Variants in LRFN2 observed in about 807,000 individuals in gnomAD.
LRFN2 encodes leucine-rich repeat and fibronectin type-III domain-containing protein 2.
A neutral mutation model predicts 37.3 loss-of-function variants in LRFN2; 18 were observed. The observed-to-expected ratio is 0.48, with a 90% CI of 0.33 to 0.72. LRFN2 has a LOEUF of 0.72. LRFN2 is among the 30% of genes least tolerant of loss of function. LRFN2 has a pLI of 0.02. For missense variants in LRFN2, 1,006 were observed against 1,060.7 expected (o/e 0.95, Z 0.72); for synonymous variants, 556 against 466.6 (o/e 1.19, Z -2.47).
intron 1 of LRFN2, among the ~76,000 whole-genome samples, chr6:40,451,439 C>T (rs1168293949): frequency 1.3e-5 from 2 of 152,136 alleles, no homozygotes; most frequent in Non-Finnish European, 2.9e-5. Context: ...CCTAAAGCAG[C>T]TGCAGCTCAA....
At chr6:40,540,227 C>T (rs1213862953) in intron 1 of LRFN2, among the ~76,000 whole-genome samples, 6 of 152,172 alleles carry the variant, frequency 3.9e-5, no homozygotes, top group Non-Finnish European at 8.8e-5. Context: ...AGTGTCACTG[C>T]AAATAAAACA....
chr6:40,462,210 G>T (rs530117001), intron 1 of LRFN2, among the ~76,000 whole-genome samples: 1 of 152,168 alleles, frequency 6.6e-6, no homozygotes, highest in African/African-American at 2.4e-5. Flanking sequence ...GTTGCCTTGC[G>T]CTCCCGTTCT....
At chr6:40,518,067 G>A (rs1031782191) in intron 1 of LRFN2, among the ~76,000 whole-genome samples, 1 of 152,112 alleles carries the variant, frequency 6.6e-6, no homozygotes, top group African/African-American at 2.4e-5. Flanking sequence ...CTGGATGCTA[G>A]TCCCAGTCTG....
intron 1 of LRFN2, among the ~76,000 whole-genome samples, chr6:40,472,115 C>T (rs1178829161): frequency 6.6e-6 from 1 of 152,176 alleles, no homozygotes; most frequent in East Asian, 1.9e-4. Context: ...TCAGGTTGTA[C>T]TTATAGGAAA....
intron 1 of LRFN2, among the ~76,000 whole-genome samples, chr6:40,563,832 C>T (rs954263190): frequency 3.5e-4 from 54 of 152,306 alleles, no homozygotes; most frequent in African/African-American, 1.3e-3. Context: ...GTTAGCACTA[C>T]GATTACCATG....
rs76553122 is a variant in LRFN2, at chr6:40,516,662, C to A, written c.-19+70279G>T. ...TGCTGGCAAAGTCCCACCTCCCTGA[C>A]CTCATTCCCGCCACAGCTATCTCTC... is the stretch of plus-strand genomic sequence containing the variant. On this transcript the variant is annotated intron_variant, in intron 1 of 2. Coordinates refer to ENST00000338305, the MANE Select transcript of LRFN2 (RefSeq NM_020737.3). Among the ~76,000 whole-genome samples, 880 of 152,298 alleles carry A rather than the reference C, an allele frequency of 5.8e-3. 7 individuals carry two copies. Among genetic ancestry groups the A allele is most frequent in the African/African-American group, 0.018 (756 of 41,576 alleles).
chr6:40,547,107 T>TTG (rs199654372), intron 1 of LRFN2, among the ~76,000 whole-genome samples: 2 of 136,856 alleles, frequency 1.5e-5, no homozygotes, highest in African/African-American at 6.4e-5. Flanking sequence ...ATGCAAATCT[T>TTG]TTTTTTTTTT....
At chr6:40,451,483 C>T (rs923681469) in intron 1 of LRFN2, among the ~76,000 whole-genome samples, 19 of 152,278 alleles carry the variant, frequency 1.2e-4, no homozygotes, top group South Asian at 6.2e-4. Flanking sequence ...GGGGAAGGGA[C>T]GAGACAAGCT....
At chr6:40,474,096 A>G (rs967526792) in intron 1 of LRFN2, among the ~76,000 whole-genome samples, 2 of 152,072 alleles carry the variant, frequency 1.3e-5, no homozygotes, top group African/African-American at 2.4e-5. Context: ...TCTAATAGGT[A>G]TAGTGGGGGA....
chr6:40,416,659 G>A (rs1763100069), intron 2 of LRFN2, among the ~76,000 whole-genome samples: 1 of 152,288 alleles, frequency 6.6e-6, no homozygotes, highest in Admixed American at 6.5e-5. Flanking sequence ...ACTCTCCCAA[G>A]CCCTTGGCAA....
chr6:40,573,490 A>C (rs1767222227), intron 1 of LRFN2, among the ~76,000 whole-genome samples: 1 of 152,212 alleles, frequency 6.6e-6, no homozygotes, highest in Admixed American at 6.5e-5. Flanking sequence ...AGCATCTCTG[A>C]GCCTGCCGGA....
chr6:40,399,536 C>T lies in LRFN2; in HGVS notation c.1401-6624G>A, dbSNP rs1033836527. 4.0e-5 allele frequency among the ~76,000 whole-genome samples: 6 copies of T among 148,838 alleles called. No individual in the cohort carries two copies. In the Admixed American group the frequency reaches 4.1e-4, roughly 10 times the overall value. Reference sequence around the variant, plus strand: ...CACTGCAACCTCCGCCTCAGGGGCTCAAGCGATTCTTGTGCTTCAGCCTCC... The same window carrying T: ...CACTGCAACCTCCGCCTCAGGGGCTTAAGCGATTCTTGTGCTTCAGCCTCC... On this transcript the variant is annotated intron_variant, in intron 2 of 2. Coordinates refer to ENST00000338305, the MANE Select transcript of LRFN2 (RefSeq NM_020737.3).
chr6:40,514,202 T>C (rs1765791106), intron 1 of LRFN2, among the ~76,000 whole-genome samples: 1 of 152,088 alleles, frequency 6.6e-6, no homozygotes, highest in Non-Finnish European at 1.5e-5. Context: ...AAGAACTCCA[T>C]GTGAAAGAAA....
rs772660191 is a variant in LRFN2 at position 40,392,753 on chromosome 6, C to G, written c.1560G>C (p.Pro520=). ...TCTGGCTGTGCATGGACTGGCACTG[C>G]GGGTAGTCAGCCTTGGTGAAGAACT... is the stretch of plus-strand genomic sequence containing the variant. ...CAQFFTKADY[P]QCQSMHSQIL... The change falls in exon 3 of 3, where the codon CCG becomes CCC. Residue 520 remains proline (P), a synonymous_variant. Coordinates refer to ENST00000338305, the MANE Select transcript of LRFN2 (RefSeq NM_020737.3). This position sits in a 1 kb window ranked among gnomAD's most constrained non-coding sequence, Gnocchi z 4.7. 7 of 1,613,948 alleles carry G rather than the reference C, an allele frequency of 4.3e-6. No homozygotes were observed. The highest frequency in any genetic ancestry group is 5.9e-6 in the Non-Finnish European group (7 of 1,180,002).
Position 40,528,226 on chromosome 6 carries a change from C to T in LRFN2, c.-19+58715G>A, listed in dbSNP as rs1243843839. Among the ~76,000 whole-genome samples, 3 of 152,252 alleles carry T rather than the reference C, an allele frequency of 2.0e-5. No homozygotes were observed. The East Asian group carries it at 5.8e-4, about 29-fold the overall frequency. Reference sequence around the variant, plus strand: ...TTAAAATCACATGTCCTCCCTAACTCCAGCCCTTTGTCCCCACTGGCGGCC... The same window carrying T: ...TTAAAATCACATGTCCTCCCTAACTTCAGCCCTTTGTCCCCACTGGCGGCC... On this transcript the variant is annotated intron_variant, in intron 1 of 2. Transcript: ENST00000338305.
At chr6:40,450,051 C>G (rs76776681) in intron 1 of LRFN2, among the ~76,000 whole-genome samples, 1 of 152,148 alleles carries the variant, frequency 6.6e-6, no homozygotes, top group Admixed American at 6.5e-5. Flanking sequence ...CTGACACAGA[C>G]GCAGGGAACT....
At chr6:40,426,446 C>T (rs77243374) in intron 2 of LRFN2, among the ~76,000 whole-genome samples, 17,306 of 152,186 alleles carry the variant, frequency 0.11, 1,067 homozygotes, top group Non-Finnish European at 0.13. Flanking sequence ...TCTATAGCTA[C>T]TTTGGACCAG....
chr6:40,431,921 T>C lies in LRFN2; in HGVS notation c.1193A>G (p.Asp398Gly). 6.2e-7 allele frequency: 1 copy of C among 1,613,424 alleles called. No homozygotes were observed. Among genetic ancestry groups the C allele is most frequent in the Non-Finnish European group, 8.5e-7 (1 of 1,179,786 alleles). Residue 398 changes from aspartate to glycine, a missense_variant, in exon 2 of 3, where the codon GAC becomes GGC. Transcript: ENST00000338305. Reference protein sequence around the residue: ...RTAPPKSRLSDITGSSKTSRG... With the variant: ...RTAPPKSRLSGITGSSKTSRG... Reference sequence around the variant, plus strand: ...GCTGGTCTTGCTGGAGCCAGTGATGTCTGAGAGGCGGGACTTGGGGGGTGC... The same window carrying C: ...GCTGGTCTTGCTGGAGCCAGTGATGCCTGAGAGGCGGGACTTGGGGGGTGC...
intron 1 of LRFN2, among the ~76,000 whole-genome samples, chr6:40,505,568 C>G (rs1765509576): frequency 6.6e-6 from 1 of 152,214 alleles, no homozygotes; most frequent in Non-Finnish European, 1.5e-5. Flanking sequence ...AGTTGCCACA[C>G]AAAGCCTTCC....
Sources: allele counts gnomAD v4.1 joint callset (sites outside exome capture counted in the v4.1 genomes callset), GRCh38; gene constraint gnomAD v4.1.1; non-coding constraint Gnocchi (gnomAD v3.1); transcripts MANE v1.5; gene names NCBI Gene and HGNC (gene_info 2026-07-23, HGNC 2026-07-21).